The following DBH variants were observed in gnomAD, a reference collection of about 807,000 sequenced individuals.
DBH encodes the protein dopamine beta-hydroxylase.
DBH carries 49 observed loss-of-function variants against 64.0 expected under a neutral mutation model. The observed-to-expected ratio is 0.77, with a 90% CI of 0.61 to 0.97. The LOEUF (loss-of-function observed/expected upper bound fraction) is 0.97, where lower values mean the gene tolerates loss of function less well. Among genes scored for constraint, DBH ranks in the 50% least tolerant of loss-of-function variants. DBH has a pLI of 0.00. For missense variants in DBH, 828 were observed against 826.6 expected, an observed-to-expected ratio of 1.00 and a Z score of -0.02; for synonymous variants, 343 against 347.1, an observed-to-expected ratio of 0.99 and a Z score of 0.13.
Position 133,642,439 on chromosome 9 carries a change from G to A in DBH, c.719G>A (p.Gly240Asp). 2 of 1,611,944 alleles carry A rather than the reference G, an allele frequency of 1.2e-6. No individual in the cohort carries two copies. The highest frequency in any genetic ancestry group is 1.7e-6 in the Non-Finnish European group (2 of 1,179,058). The change falls in exon 3 of 12, where the codon GGC becomes GAC. Residue 240 changes from glycine (G) to aspartate (D), a missense_variant. Transcript: ENST00000393056. Reference protein sequence around the residue: ...YWCYIKELPKGFSRHHIIKYE... With the variant: ...YWCYIKELPKDFSRHHIIKYE... ...TGCTACATTAAGGAGCTTCCAAAGG[G>A]CTTCTCTCGGCACCACATTATCAAG...
chr9:133,648,360 C>A (rs550391089), intron 6 of DBH, among the ~76,000 whole-genome samples: 1 of 152,348 alleles, frequency 6.6e-6, no homozygotes, highest in African/African-American at 2.4e-5. Context: ...AGAGAACGCT[C>A]CCCTCATCCG....
chr9:133,642,336 GA>G lies in DBH; in HGVS notation c.617del (p.Glu206GlyfsTer82), dbSNP rs863225244. The G allele has an allele frequency of 1.2e-6, 2 of 1,614,178 alleles. No individual in the cohort carries two copies. Among genetic ancestry groups the G allele is most frequent in the Non-Finnish European group, 1.7e-6 (2 of 1,180,030 alleles). Reference protein sequence around the residue: ...QLLKPNIPEPELPSDACTMEV... With the variant: ...QLLKPNIPEPXLPSDACTMEV... ...CCTGAAGCCCAATATCCCCGAACCG[GA>G]GTTGCCCTCAGACGCGTGCACCATG... On this transcript the variant is annotated frameshift_variant, in exon 3 of 12. Transcript: ENST00000393056. LOFTEE classifies it high-confidence loss of function.
At chr9:133,642,661 C>A (rs1284686209) in intron 3 of DBH, among the ~76,000 whole-genome samples, 197 bp downstream of exon 3, 5 of 152,126 alleles carry the variant, frequency 3.3e-5, no homozygotes, top group African/African-American at 1.2e-4. Flanking sequence ...ACTCCCCTAC[C>A]CTCAAAGGGC....
intron 5 of DBH, among the ~76,000 whole-genome samples, chr9:133,646,776 G>A (rs558053864): frequency 3.3e-5 from 5 of 152,222 alleles, no homozygotes; most frequent in South Asian, 2.1e-4. Context: ...CACACACCTC[G>A]GCCTCCCAAA....
At chr9:133,657,417 A>AGAGAGAT in intron 11 of DBH, 188 bp downstream of exon 11, 1 of 37,468 alleles carries the variant, frequency 2.7e-5, no homozygotes, top group Non-Finnish European at 4.9e-5. Context: ...AGGAGAGAGG[A>AGAGAGAT]GAGAGAGGAG....
intron 10 of DBH, 80 bp downstream of exon 10, chr9:133,656,730 T>C: frequency 6.4e-7 from 1 of 1,557,556 alleles, no homozygotes; most frequent in East Asian, 2.3e-5. Flanking sequence ...GCTGGGCAGA[T>C]TGGAGGAGTC....
intron 1 of DBH, 60 bp downstream of exon 1, chr9:133,636,770 C>T (rs543661651): frequency 2.9e-5 from 42 of 1,469,806 alleles, no homozygotes; most frequent in African/African-American, 4.2e-5. Flanking sequence ...CCCATCTGGC[C>T]GTCTTTCTGC....
intron 1 of DBH, among the ~76,000 whole-genome samples, chr9:133,637,075 G>A (rs1263787918): frequency 5.9e-5 from 9 of 152,170 alleles, no homozygotes; most frequent in African/African-American, 1.9e-4. Context: ...TGTAAACAAT[G>A]CCTAGTACCA....
At chr9:133,636,752 C>T (rs1414468095) in intron 1 of DBH, 42 bp downstream of exon 1, 4 of 1,560,398 alleles carry the variant, frequency 2.6e-6, no homozygotes, top group Non-Finnish European at 3.5e-6. Context: ...CCCTTCCTGA[C>T]CCGGCACCCC....
At chr9:133,652,387 G>A (rs1832262049) in intron 8 of DBH, 103 bp downstream of exon 8, 9 of 1,432,280 alleles carry the variant, frequency 6.3e-6, no homozygotes, top group Non-Finnish European at 8.7e-6. Context: ...AAAGTGATAG[G>A]GGGAGGGAGA....
In DBH at chr9:133,656,596, G is replaced by T. The variant is rs756871071; in HGVS notation, c.1508G>T (p.Cys503Phe). The T allele has an allele frequency of 6.2e-7, 1 of 1,613,700 alleles. No homozygotes were observed. The highest frequency in any genetic ancestry group is 8.5e-7 in the Non-Finnish European group (1 of 1,180,012). Residue 503 changes from cysteine (C) to phenylalanine (F), a missense_variant, in exon 10 of 12, where the codon TGC becomes TTC. Physicochemically the swap from Cys to Phe is radical, Grantham distance 205. Transcript: ENST00000393056. ...HYYPQTQLEL[C>F]KSAVDAGFLQ... Reference sequence around the variant, plus strand: ...TACCCCCAGACGCAGCTGGAGCTCTGCAAGAGCGCTGTGGACGCCGGCTTC... The same window carrying T: ...TACCCCCAGACGCAGCTGGAGCTCTTCAAGAGCGCTGTGGACGCCGGCTTC...
At position 133,658,821 on chromosome 9, in the gene DBH, TGGAATCACCG is replaced by T. The variant is rs1832371748; in HGVS notation, c.*379_*388del. ...ACAGGCACCATGCTGGGCCGGGGTG[TGGAATCACCG>T]GGAACGCCCCCGCCCCCGCCCCGCT... On this transcript the variant is annotated 3_prime_UTR_variant, in exon 12 of 12. Transcript: ENST00000393056. 1 of 165,154 alleles carries T rather than the reference TGGAATCACCG, an allele frequency of 6.1e-6. No individual in the cohort carries two copies. Among genetic ancestry groups the T allele is most frequent in the Admixed American group, 6.4e-5 (1 of 15,594 alleles). 10.2% of individuals were successfully genotyped at this position (165,154 alleles called of 1,614,324 possible).
intron 6 of DBH, among the ~76,000 whole-genome samples, chr9:133,648,384 C>G (rs1832208424): frequency 6.6e-6 from 1 of 152,258 alleles, no homozygotes; most frequent in Admixed American, 6.5e-5. Context: ...CCGCCTCCCC[C>G]TGAGATAGCC....
intron 11 of DBH, 188 bp downstream of exon 11, chr9:133,657,417 A>AGAGAGAGAG: frequency 5.3e-5 from 2 of 37,468 alleles, no homozygotes; most frequent in Middle Eastern, 0.014. Flanking sequence ...AGGAGAGAGG[A>AGAGAGAGAG]GAGAGAGGAG....
intron 1 of DBH, among the ~76,000 whole-genome samples, chr9:133,636,959 T>C (rs1024524571): frequency 1.3e-5 from 2 of 152,064 alleles, no homozygotes; most frequent in Non-Finnish European, 2.9e-5. Flanking sequence ...TGGGACCCAG[T>C]AATCCCAAGG....
chr9:133,646,114 T>C (rs969663091), intron 5 of DBH, among the ~76,000 whole-genome samples: 2 of 152,256 alleles, frequency 1.3e-5, no homozygotes, highest in Non-Finnish European at 2.9e-5. Context: ...CCTGACTGCT[T>C]TTCTGGCCCA....
At position 133,643,309 on chromosome 9, in the gene DBH, C is replaced by T. The variant is rs1832138992; in HGVS notation, c.745-104C>T. 8.2e-7 allele frequency: 1 copy of T among 1,222,212 alleles called. No individual in the cohort carries two copies. The allele number at this position is 1,222,212 out of a possible 1,614,324, so 75.7% of individuals were successfully genotyped here. ...TGCCCCTGAAATTGTCTGGATCATC[C>T]CTCCCATTTTACAGATGGGCATTCG... On this transcript the variant is annotated intron_variant, in intron 3 of 11. Coordinates refer to ENST00000393056, the MANE Select transcript of DBH (RefSeq NM_000787.4). The surrounding 1 kb of genome is among the most constrained non-coding windows in gnomAD (Gnocchi z 5.3).
chr9:133,636,513 C>T lies in DBH; in HGVS notation c.142C>T (p.Pro48Ser). 1 of 1,613,474 alleles carries T rather than the reference C, an allele frequency of 6.2e-7. No individual in the cohort carries two copies. The highest frequency in any genetic ancestry group is 1.3e-5 in the African/African-American group (1 of 75,056). ...QGSAPRESPL[P>S]YHIPLDPEGS... ...CTCGGCTCCCCGTGAGAGCCCCCTC[C>T]CCTATCACATCCCCCTGGACCCGGA... The change falls in exon 1 of 12, where the codon CCC (proline) becomes TCC (serine). Residue 48 changes from proline (P) to serine (S), a missense_variant. By Grantham distance (74) the Pro-to-Ser change is moderately conservative (BLOSUM62 -1). Coordinates refer to ENST00000393056, the MANE Select transcript of DBH (RefSeq NM_000787.4).
At chr9:133,641,904 C>T (rs1832120066) in intron 2 of DBH, among the ~76,000 whole-genome samples, 1 of 152,204 alleles carries the variant, frequency 6.6e-6, no homozygotes. Flanking sequence ...AATGTTCCGG[C>T]CACACTGGCT....
Sources: allele counts gnomAD v4.1 joint callset (sites outside exome capture counted in the v4.1 genomes callset), GRCh38; gene constraint gnomAD v4.1.1; non-coding constraint Gnocchi (gnomAD v3.1); transcripts MANE v1.5; gene names NCBI Gene and HGNC (gene_info 2026-07-23, HGNC 2026-07-21).